Variants in MDN1 observed in about 807,000 individuals in gnomAD.
The protein encoded by MDN1 is midasin.
MDN1 carries 266 observed loss-of-function variants against 669.2 expected under a neutral mutation model. The ratio of observed to expected loss-of-function variants is 0.40; its 90% CI spans 0.36 to 0.44. The LOEUF (loss-of-function observed/expected upper bound fraction) is 0.44, where lower values mean the gene tolerates loss of function less well. Among genes scored for constraint, MDN1 ranks in the 20% least tolerant of loss-of-function variants. The probability of loss-of-function intolerance (pLI) is 1.00; values close to 1 mark genes in which losing one functional copy is unlikely to be tolerated. For missense variants in MDN1, 5,940 were observed against 6,754.0 expected, an observed-to-expected ratio of 0.88 and a Z score of 4.22; for synonymous variants, 2,385 against 2,457.1, an observed-to-expected ratio of 0.97 and a Z score of 0.87.
At chr6:89,763,197 G>A (rs1817640322) in intron 15 of MDN1, among the ~76,000 whole-genome samples, 1 of 151,628 alleles carries the variant, frequency 6.6e-6, no homozygotes. Flanking sequence ...AAAATCCAAG[G>A]AAAAATAAAT....
At chr6:89,668,235 T>C in intron 83 of MDN1, 84 bp from the exon 84 acceptor site, 1 of 1,506,120 alleles carries the variant, frequency 6.6e-7, no homozygotes, top group Non-Finnish European at 9.1e-7. Flanking sequence ...AGGAAAACAA[T>C]TTAAACACAT....
chr6:89,690,981 G>C (rs1812342256), intron 63 of MDN1, 147 bp from the exon 64 acceptor site: 1 of 983,964 alleles, frequency 1.0e-6, no homozygotes. Context: ...AAATTCCATG[G>C]AATAAAGAGC....
At chr6:89,686,380 G>A (rs749738913) in intron 69 of MDN1, among the ~76,000 whole-genome samples, 24 of 152,100 alleles carry the variant, frequency 1.6e-4, no homozygotes, top group Middle Eastern at 6.8e-3. Flanking sequence ...AGCTGAGATC[G>A]TACCACTGTA....
intron 97 of MDN1, among the ~76,000 whole-genome samples, chr6:89,648,853 A>C (rs1224588737): frequency 2.0e-5 from 3 of 151,280 alleles, no homozygotes; most frequent in African/African-American, 7.3e-5. Context: ...GCATGGTGAC[A>C]CACACCTATG....
At chr6:89,735,051 C>T (rs1290293239) in intron 33 of MDN1, among the ~76,000 whole-genome samples, 1 of 151,904 alleles carries the variant, frequency 6.6e-6, no homozygotes, top group Non-Finnish European at 1.5e-5. Flanking sequence ...CCACAACGCC[C>T]AGCTAATTTT....
intron 45 of MDN1, 57 bp from the exon 46 acceptor site, chr6:89,714,808 G>C: frequency 7.0e-7 from 1 of 1,432,878 alleles, no homozygotes. Context: ...GCAACCAAAG[G>C]TGTAGCTCAG....
intron 31 of MDN1, 81 bp downstream of exon 31, chr6:89,743,069 T>C: frequency 6.5e-7 from 1 of 1,535,178 alleles, no homozygotes; most frequent in South Asian, 1.2e-5. Flanking sequence ...GGTGACAGAG[T>C]GAGAACACTG....
At chr6:89,767,749 T>C (rs930196343) in intron 15 of MDN1, among the ~76,000 whole-genome samples, 1 of 150,688 alleles carries the variant, frequency 6.6e-6, no homozygotes, top group Admixed American at 6.6e-5. Context: ...AGAGCAAAAC[T>C]CTCTCAAAAA....
intron 33 of MDN1, among the ~76,000 whole-genome samples, chr6:89,737,061 T>C (rs1257570570): frequency 1.3e-5 from 2 of 152,188 alleles, no homozygotes; most frequent in African/African-American, 4.8e-5. Context: ...ACTACAGGCT[T>C]AGTCAATTCT....
chr6:89,769,567 G>A (rs1186456269), intron 15 of MDN1, among the ~76,000 whole-genome samples: 1 of 152,162 alleles, frequency 6.6e-6, no homozygotes, highest in Non-Finnish European at 1.5e-5. Context: ...CATAACCACA[G>A]CTCACGGCAG....
In MDN1 at chr6:89,813,693, G is replaced by A. The variant is rs150509814; in HGVS notation, c.102+5813C>T. Among the ~76,000 whole-genome samples the A allele has an allele frequency of 1.8e-3, 266 of 151,844 alleles. 1 individual carries two copies. Among genetic ancestry groups the A allele is most frequent in the African/African-American group, 5.9e-3 (243 of 41,402 alleles). ...CTGAAGTGAGCTATGATCACTGTAC[G>A]CTAGCCCAGGCAATAAAAGGAGACA... is the stretch of plus-strand genomic sequence containing the variant. On this transcript the variant is annotated intron_variant, in intron 1 of 101. Transcript: ENST00000369393.
At chr6:89,728,095 A>AT (rs1460632445) in intron 36 of MDN1, 140 bp from the exon 37 acceptor site, 36 of 993,598 alleles carry the variant, frequency 3.6e-5, no homozygotes, top group Non-Finnish European at 4.7e-5. Context: ...GAACTAACCA[A>AT]TCCCAGCTCT....
chr6:89,700,200 G>A lies in MDN1; in HGVS notation c.8733C>T (p.Ser2911=). 6.2e-7 allele frequency: 1 copy of A among 1,614,184 alleles called. No individual in the cohort carries two copies. Among genetic ancestry groups the A allele is most frequent in the South Asian group, 1.1e-5 (1 of 91,080 alleles). The part of the protein sequence containing the change: ...GFLEKKHDEA[S]SLSHPDLTSV... Reference sequence around the variant, plus strand: ...AGGTCAAGTCTGGATGGGACAGGGAGGAAGCTTCATCATGCTTTTTCTCCA... The same window carrying A: ...AGGTCAAGTCTGGATGGGACAGGGAAGAAGCTTCATCATGCTTTTTCTCCA... The change falls in exon 57 of 102, where the codon TCC becomes TCT. Residue 2911 remains serine, a synonymous_variant. Transcript: ENST00000369393.
intron 85 of MDN1, among the ~76,000 whole-genome samples, chr6:89,663,727 G>A (rs1172051075): frequency 2.6e-5 from 4 of 151,896 alleles, no homozygotes; most frequent in African/African-American, 4.8e-5. Flanking sequence ...GATGTCAGGA[G>A]ATCGAGACCA....
intron 57 of MDN1, 97 bp from the exon 58 acceptor site, chr6:89,699,824 G>T: frequency 2.2e-6 from 3 of 1,334,284 alleles, no homozygotes; most frequent in Non-Finnish European, 3.1e-6. Flanking sequence ...AAAACTTACA[G>T]TACATTTATC....
At chr6:89,732,867 G>T in intron 33 of MDN1, 92 bp from the exon 34 acceptor site, 1 of 1,090,554 alleles carries the variant, frequency 9.2e-7, no homozygotes, top group Non-Finnish European at 1.3e-6. Flanking sequence ...GCCTAAAAGG[G>T]GTCTCTGCTC....
chr6:89,817,429 C>CT (rs1404369493), intron 1 of MDN1, among the ~76,000 whole-genome samples: 1 of 152,214 alleles, frequency 6.6e-6, no homozygotes, highest in African/African-American at 2.4e-5. Context: ...ACACAATCCC[C>CT]TTCTCTGGAC....
chr6:89,673,542 A>C, intron 79 of MDN1, 80 bp from the exon 80 acceptor site: 1 of 1,234,744 alleles, frequency 8.1e-7, no homozygotes, highest in Non-Finnish European at 1.2e-6. Flanking sequence ...AACCACTACA[A>C]GATATGCAAG....
intron 1 of MDN1, among the ~76,000 whole-genome samples, chr6:89,818,470 C>CAA (rs869031436): frequency 6.7e-6 from 1 of 148,642 alleles, no homozygotes; most frequent in Non-Finnish European, 1.5e-5. Flanking sequence ...CTTACAACTA[C>CAA]AAAAAAAAAA....
Sources: allele counts gnomAD v4.1 joint callset (sites outside exome capture counted in the v4.1 genomes callset), GRCh38; gene constraint gnomAD v4.1.1; transcripts MANE v1.5; gene names NCBI Gene and HGNC (gene_info 2026-07-23, HGNC 2026-07-21).